The following PRELID2 variants were observed in gnomAD, a reference collection of about 807,000 sequenced individuals.
The protein encoded by PRELID2 is PRELI domain-containing protein 2.
Under a neutral mutation model 28.4 loss-of-function variants are expected in PRELID2, and 25 were observed. The ratio of observed to expected loss-of-function variants is 0.88; its 90% confidence interval spans 0.64 to 1.23. The LOEUF (loss-of-function observed/expected upper bound fraction) is 1.23, where lower values mean the gene tolerates loss of function less well. PRELID2 is among the 50% of genes most tolerant of loss of function. The probability of loss-of-function intolerance (pLI) is 0.00; values close to 1 mark genes in which losing one functional copy is unlikely to be tolerated. For synonymous variants in PRELID2, 76 were observed against 71.6 expected (o/e 1.06, Z -0.31); for missense variants, 201 against 214.4 (o/e 0.94, Z 0.39).
At chr5:145,305,869 CTGTG>C in the PRELID2 span, among the ~76,000 whole-genome samples, 66 of 152,282 alleles carry the variant, frequency 4.3e-4, no homozygotes, top group African/African-American at 1.5e-3. Flanking sequence ...ATCTCTTACC[CTGTG>C]TATCATTTTT....
the PRELID2 span, among the ~76,000 whole-genome samples, chr5:145,260,815 A>G: frequency 6.6e-6 from 1 of 152,332 alleles, no homozygotes; most frequent in South Asian, 2.1e-4. Context: ...GAGAATCTAC[A>G]GACTCTTTGA....
At chr5:145,415,522 C>T in the PRELID2 span, among the ~76,000 whole-genome samples, 3 of 143,968 alleles carry the variant, frequency 2.1e-5, no homozygotes, top group Non-Finnish European at 4.5e-5. Context: ...TGAGCGAGAA[C>T]ATGCAGTGTT....
At chr5:145,653,531 G>T (rs1429372498) in intron 1 of PRELID2, among the ~76,000 whole-genome samples, 1 of 152,192 alleles carries the variant, frequency 6.6e-6, no homozygotes, top group Non-Finnish European at 1.5e-5. Flanking sequence ...TAAAAGAAGA[G>T]AAATTATAAC....
At chr5:145,287,107 T>A in the PRELID2 span, among the ~76,000 whole-genome samples, 6 of 152,196 alleles carry the variant, frequency 3.9e-5, no homozygotes, top group Non-Finnish European at 5.9e-5. Flanking sequence ...AATATAGTGA[T>A]CTCCTGTTAT....
the PRELID2 span, among the ~76,000 whole-genome samples, chr5:145,380,895 T>TA: frequency 6.6e-6 from 1 of 152,140 alleles, no homozygotes; most frequent in Non-Finnish European, 1.5e-5. Context: ...ATCGGTGACC[T>TA]AAAAAACTAT....
At chr5:145,263,824 G>A in the PRELID2 span, among the ~76,000 whole-genome samples, 1 of 150,090 alleles carries the variant, frequency 6.7e-6, no homozygotes, top group Non-Finnish European at 1.5e-5. Flanking sequence ...ATAACAAGCA[G>A]CAGGATAGAA....
intron 1 of PRELID2, among the ~76,000 whole-genome samples, chr5:145,677,776 A>G (rs1209351140): frequency 6.6e-6 from 1 of 152,190 alleles, no homozygotes; most frequent in Non-Finnish European, 1.5e-5. Flanking sequence ...TAAAGTGTGA[A>G]TTATGAATTT....
At chr5:145,544,549 C>T (rs1304284183) in intron 1 of PRELID2, among the ~76,000 whole-genome samples, 4 of 152,108 alleles carry the variant, frequency 2.6e-5, no homozygotes, top group Admixed American at 2.0e-4. Context: ...CTTGGCATCT[C>T]ACCAGGATCT....
chr5:145,411,178 C>T, the PRELID2 span, among the ~76,000 whole-genome samples: 10 of 152,110 alleles, frequency 6.6e-5, no homozygotes, highest in African/African-American at 2.2e-4. Flanking sequence ...GCTGGGGAAG[C>T]CTGACAATCA....
intron 1 of PRELID2, among the ~76,000 whole-genome samples, chr5:145,705,223 C>T (rs1755514417): frequency 6.6e-6 from 1 of 150,878 alleles, no homozygotes; most frequent in African/African-American, 2.4e-5. Context: ...TGGAGTCTTG[C>T]TCTGTCACCC....
chr5:145,818,477 T>C (rs528762152), intron 3 of PRELID2, among the ~76,000 whole-genome samples: 12 of 152,312 alleles, frequency 7.9e-5, no homozygotes, highest in African/African-American at 2.6e-4. Flanking sequence ...ATGTATGGTT[T>C]CCTAGGTGAA....
At chr5:145,259,726 T>C in the PRELID2 span, among the ~76,000 whole-genome samples, 1 of 152,200 alleles carries the variant, frequency 6.6e-6, no homozygotes, top group Non-Finnish European at 1.5e-5. Context: ...ACTAGCCTTG[T>C]CTCAGATGAG....
At chr5:145,699,000 T>A (rs1025709229) in intron 1 of PRELID2, among the ~76,000 whole-genome samples, 2 of 152,182 alleles carry the variant, frequency 1.3e-5, no homozygotes, top group African/African-American at 4.8e-5. Flanking sequence ...GTGCTGGGAT[T>A]ACAGGCGTGA....
chr5:145,549,471 A>G (rs1752814571), intron 1 of PRELID2, among the ~76,000 whole-genome samples: 1 of 152,184 alleles, frequency 6.6e-6, no homozygotes, highest in Non-Finnish European at 1.5e-5. Flanking sequence ...TTATTCAGTG[A>G]ATGCTATATT....
Position 145,701,464 on chromosome 5 carries a change from A to C in PRELID2, n.70+63467T>G, listed in dbSNP as rs75273924. On this transcript the variant is annotated intron_variant and non_coding_transcript_variant, in intron 1 of 2. Transcript: ENST00000510259. ...AGCTGAAAAAGGCCTCAGGACCCTG[A>C]ACAATAGTATTGATTTTAAAAAGAA... 7.9e-4 allele frequency among the ~76,000 whole-genome samples: 120 copies of C among 152,358 alleles called. No homozygotes were observed. In the East Asian group the frequency reaches 9.1e-3, roughly 11 times the overall value.
At chr5:145,340,772 T>TAC in the PRELID2 span, among the ~76,000 whole-genome samples, 11 of 67,906 alleles carry the variant, frequency 1.6e-4, no homozygotes, top group Non-Finnish European at 2.9e-4. Flanking sequence ...AAAATATACA[T>TAC]ATATATATAT....
intron 1 of PRELID2, among the ~76,000 whole-genome samples, chr5:145,700,411 A>T (rs1458645446): frequency 6.6e-6 from 1 of 152,014 alleles, no homozygotes; most frequent in Non-Finnish European, 1.5e-5. Flanking sequence ...AACATGGAAG[A>T]TTGATATGCT....
the PRELID2 span, among the ~76,000 whole-genome samples, chr5:145,265,467 A>G: frequency 6.6e-6 from 1 of 152,182 alleles, no homozygotes; most frequent in East Asian, 1.9e-4. Context: ...AGAAAAAACA[A>G]TCATAAAATT....
At chr5:145,718,421 GAATA>G (rs1190558659) in intron 1 of PRELID2, among the ~76,000 whole-genome samples, 6 of 151,904 alleles carry the variant, frequency 3.9e-5, no homozygotes, top group African/African-American at 1.4e-4. Context: ...AAGATGATTA[GAATA>G]AATGGAAAGA....
Sources: gnomAD v4.1 joint callset for allele counts (sites outside exome capture counted in the v4.1 genomes callset) on GRCh38, gnomAD v4.1.1 for gene constraint, MANE v1.5 for transcripts, NCBI Gene and HGNC (gene_info 2026-07-23, HGNC 2026-07-21) for gene names.